CLUAP1: variants seen among roughly 807,000 people sequenced by gnomAD.
CLUAP1 encodes the protein clusterin-associated protein 1.
CLUAP1 carries 50 observed loss-of-function variants against 55.0 expected under a neutral mutation model. The observed-to-expected ratio is 0.91, with a 90% CI of 0.72 to 1.15. The LOEUF (loss-of-function observed/expected upper bound fraction) is 1.15, where lower values mean the gene tolerates loss of function less well. Among genes scored for constraint, CLUAP1 ranks in the 50% most tolerant of loss-of-function variants. CLUAP1 has a pLI of 0.00. For missense variants in CLUAP1, 530 were observed against 507.6 expected (o/e 1.04, Z -0.42); for synonymous variants, 195 against 175.4 (o/e 1.11, Z -0.88).
At chr16:3,510,319 A>G (rs2037598558) in intron 4 of CLUAP1, among the ~76,000 whole-genome samples, 1 of 144,162 alleles carries the variant, frequency 6.9e-6, no homozygotes, top group African/African-American at 2.6e-5. Flanking sequence ...TTTTTTTAGC[A>G]GAGATGGGGT....
chr16:3,525,258 G>A (rs958321207), intron 8 of CLUAP1, among the ~76,000 whole-genome samples: 4 of 152,120 alleles, frequency 2.6e-5, no homozygotes, highest in Non-Finnish European at 5.9e-5. Flanking sequence ...GAAAAGAAAC[G>A]TTGGCCATTT....
intron 2 of CLUAP1, 121 bp from the exon 3 acceptor site, chr16:3,506,210 C>T (rs1249217291): frequency 2.6e-6 from 2 of 762,738 alleles, no homozygotes; most frequent in Non-Finnish European, 4.6e-6. Flanking sequence ...TCTCACTCTC[C>T]CACTTGGGGA....
intron 1 of CLUAP1, among the ~76,000 whole-genome samples, chr16:3,504,283 A>C (rs985616268): frequency 2.0e-5 from 3 of 152,230 alleles, no homozygotes; most frequent in African/African-American, 7.2e-5. Flanking sequence ...ATGTCATCCT[A>C]CGGATTCCCC....
intron 4 of CLUAP1, among the ~76,000 whole-genome samples, chr16:3,509,225 G>A (rs998283988): frequency 3.3e-5 from 5 of 152,170 alleles, no homozygotes; most frequent in African/African-American, 1.2e-4. Context: ...CTCCCGCCTA[G>A]GCAACAGAAC....
At chr16:3,499,322 G>A (rs1050029333), upstream of CLUAP1, among the ~76,000 whole-genome samples, 2 of 152,198 alleles carry the variant, frequency 1.3e-5, no homozygotes, top group African/African-American at 2.4e-5. Context: ...TCCAGCCTGG[G>A]CAACAAGAGC....
chr16:3,512,294 G>C, intron 4 of CLUAP1, 89 bp from the exon 5 acceptor site: 1 of 961,700 alleles, frequency 1.0e-6, no homozygotes, highest in East Asian at 2.4e-5. Context: ...CCAGGAGTTA[G>C]AGAGCAGCCT....
rs1445714965 is a variant in CLUAP1 at position 3,505,395 on chromosome 16, T to C, written c.134+564T>C. On this transcript the variant is annotated intron_variant, in intron 2 of 11. Coordinates refer to ENST00000576634, the MANE Select transcript of CLUAP1 (RefSeq NM_015041.3). The stretch of plus-strand genomic sequence containing the variant: ...AACACAAAAAATTAGCCAGGCGTGG[T>C]GGCGGGCGCCTGTGGTCCCAGCTAC... Among the ~76,000 whole-genome samples the C allele has an allele frequency of 5.9e-5, 9 of 152,120 alleles. No homozygotes were observed. The East Asian group carries it at 1.7e-3, about 29-fold the overall frequency.
intron 11 of CLUAP1, chr16:3,535,293 G>GA (rs1297465254): frequency 6.5e-6 from 1 of 152,672 alleles, no homozygotes; most frequent in East Asian, 1.9e-4. Context: ...TGTGGACAGT[G>GA]AGTTCAACGA....
At chr16:3,504,047 C>T (rs1004518466) in intron 1 of CLUAP1, among the ~76,000 whole-genome samples, 6 of 152,196 alleles carry the variant, frequency 3.9e-5, no homozygotes, top group African/African-American at 1.4e-4. Context: ...GTCCTGCTCT[C>T]TTGAAAGCAC....
rs548345568 is a variant in CLUAP1, at chr16:3,526,857, A to G, written c.928+373A>G. On this transcript the variant is annotated intron_variant, in intron 9 of 11. Coordinates refer to ENST00000576634, the MANE Select transcript of CLUAP1 (RefSeq NM_015041.3). Reference sequence around the variant, plus strand: ...TTTGAATTATATATGATGCGTAACTATAAGAAAACATGGCCCTAGATGTGT... The same window carrying G: ...TTTGAATTATATATGATGCGTAACTGTAAGAAAACATGGCCCTAGATGTGT... Among the ~76,000 whole-genome samples, 392 of 152,324 alleles carry G rather than the reference A, an allele frequency of 2.6e-3. 4 individuals are homozygous for G. Among genetic ancestry groups the G allele is most frequent in the Non-Finnish European group, 7.6e-4 (52 of 68,030 alleles).
intron 6 of CLUAP1, among the ~76,000 whole-genome samples, chr16:3,516,523 G>A (rs374460371): frequency 1.2e-4 from 18 of 152,072 alleles, no homozygotes; most frequent in African/African-American, 3.9e-4. Context: ...ATGGAGCCAC[G>A]TTCCTCACTG....
upstream of CLUAP1, chr16:3,500,926 C>T: frequency 1.1e-6 from 1 of 877,544 alleles, no homozygotes; most frequent in Non-Finnish European, 1.8e-6. Flanking sequence ...CGTGCCGCCG[C>T]GTCTTCGCTT....
chr16:3,507,526 C>G (rs2037530993), intron 3 of CLUAP1, among the ~76,000 whole-genome samples: 1 of 150,428 alleles, frequency 6.6e-6, no homozygotes, highest in South Asian at 2.1e-4. Flanking sequence ...TGTCATTGCA[C>G]TCCAGCCCAG....
At chr16:3,507,602 G>C (rs2151044062) in intron 3 of CLUAP1, among the ~76,000 whole-genome samples, 1 of 145,622 alleles carries the variant, frequency 6.9e-6, no homozygotes, top group East Asian at 1.9e-4. Flanking sequence ...ACAAAATGGA[G>C]TAAAATGACT....
intron 11 of CLUAP1, chr16:3,533,061 T>G (rs2038160606): frequency 1.3e-6 from 2 of 1,525,350 alleles, no homozygotes; most frequent in South Asian, 2.4e-5. Flanking sequence ...CTGCTTTTTT[T>G]GCCTTCTCAC....
chr16:3,520,083 T>C (rs1260683683), intron 7 of CLUAP1, 47 bp downstream of exon 7: 1 of 1,540,604 alleles, frequency 6.5e-7, no homozygotes, highest in African/African-American at 1.4e-5. Flanking sequence ...TCCTGGAAAG[T>C]TCAAACAAAC....
chr16:3,532,002 C>G (rs1358328336), intron 10 of CLUAP1, among the ~76,000 whole-genome samples: 1 of 152,110 alleles, frequency 6.6e-6, no homozygotes, highest in Non-Finnish European at 1.5e-5. Context: ...CCACACCCAG[C>G]TAATTTTTGT....
intron 11 of CLUAP1, chr16:3,533,283 G>A (rs552265150): frequency 1.5e-5 from 11 of 741,882 alleles, no homozygotes; most frequent in East Asian, 5.4e-5. Flanking sequence ...AAGAGATCCT[G>A]TGGTGACAGC....
upstream of CLUAP1, chr16:3,500,909 G>T: frequency 1.3e-6 from 1 of 752,212 alleles, no homozygotes. Context: ...CTCCCCGTGC[G>T]TATGCACGTG....
Sources: allele counts gnomAD v4.1 joint callset (sites outside exome capture counted in the v4.1 genomes callset), GRCh38; gene constraint gnomAD v4.1.1; transcripts MANE v1.5; gene names NCBI Gene and HGNC (gene_info 2026-07-23, HGNC 2026-07-21).